The following RLF variants were observed in gnomAD, a reference collection of about 807,000 sequenced individuals.
RLF encodes the protein zinc finger protein Rlf.
A neutral mutation model predicts 162.9 loss-of-function variants in RLF; 7 were observed. The ratio of observed to expected loss-of-function variants is 0.04; its 90% CI spans 0.02 to 0.08. RLF has a LOEUF of 0.08. Ranked by LOEUF, RLF falls within the 10% of genes least tolerant of loss-of-function variation. The probability of loss-of-function intolerance (pLI) is 1.00; values close to 1 mark genes in which losing one functional copy is unlikely to be tolerated. For synonymous variants in RLF, 782 were observed against 791.5 expected (o/e 0.99, Z 0.20); for missense variants, 1,664 against 2,244.7 (o/e 0.74, Z 5.23).
intron 1 of RLF, among the ~76,000 whole-genome samples, chr1:40,177,078 C>T (rs1257755997): frequency 1.3e-5 from 2 of 151,892 alleles, no homozygotes; most frequent in African/African-American, 4.8e-5. Flanking sequence ...ACCTCCGCCT[C>T]ACAGGTTCAA....
chr1:40,211,285 A>G (rs1031827384), intron 5 of RLF, among the ~76,000 whole-genome samples: 1 of 152,210 alleles, frequency 6.6e-6, no homozygotes, highest in African/African-American at 2.4e-5. Context: ...CAAGCTGATA[A>G]TGTTTCCAAG....
At chr1:40,233,988 G>A (rs138308532) in intron 7 of RLF, among the ~76,000 whole-genome samples, 1 of 152,104 alleles carries the variant, frequency 6.6e-6, no homozygotes, top group Non-Finnish European at 1.5e-5. Context: ...TCACTCTGTT[G>A]CCCAGGCTGG....
Position 40,161,758 on chromosome 1 carries a change from C to T in RLF, c.237+122C>T. ...CGCCACCTCCGTGACTCGCCGCGCC[C>T]CCGGGCCGGGAAGGCCCAGCTCGGA... On this transcript the variant is annotated intron_variant, in intron 1 of 7. Coordinates refer to ENST00000372771, the MANE Select transcript of RLF (RefSeq NM_012421.4). The surrounding 1 kb of genome is among the most constrained non-coding windows in gnomAD (Gnocchi z 4.4). 2 of 1,389,724 alleles carry T rather than the reference C, an allele frequency of 1.4e-6. No homozygotes were observed. Among genetic ancestry groups the T allele is most frequent in the South Asian group, 1.4e-5 (1 of 73,204 alleles). 86.1% of individuals were successfully genotyped at this position (1,389,724 alleles called of 1,614,324 possible). A position where few individuals can be genotyped will look rare whatever the true frequency, so the allele number is the denominator to read the frequency against.
chr1:40,205,668 T>G (rs903751987), intron 5 of RLF, among the ~76,000 whole-genome samples: 20 of 151,938 alleles, frequency 1.3e-4, no homozygotes, highest in African/African-American at 4.8e-4. Flanking sequence ...TTTTTTTGTA[T>G]TTTTAGTAGA....
At chr1:40,234,608 C>A (rs12077436) in intron 7 of RLF, among the ~76,000 whole-genome samples, 1 of 152,206 alleles carries the variant, frequency 6.6e-6, no homozygotes, top group Non-Finnish European at 1.5e-5. Context: ...CTGTTATTAA[C>A]ATTACTGTTA....
chr1:40,227,278 C>T (rs1054980952), intron 6 of RLF, among the ~76,000 whole-genome samples: 5 of 152,168 alleles, frequency 3.3e-5, no homozygotes, highest in Admixed American at 6.5e-5. Context: ...GGGTACAGTA[C>T]ATCATCTGAA....
At chr1:40,209,427 CATAGACCCTAGT>C (rs1642839300) in intron 5 of RLF, among the ~76,000 whole-genome samples, 1 of 152,198 alleles carries the variant, frequency 6.6e-6, no homozygotes, top group Admixed American at 6.5e-5. Context: ...ACCTTACAAA[CATAGACCCTAGT>C]ATAAGAATTC....
chr1:40,169,695 CTT>C (rs202079055), intron 1 of RLF, among the ~76,000 whole-genome samples: 6,634 of 132,120 alleles, frequency 0.05, 499 homozygotes, highest in African/African-American at 0.17. Flanking sequence ...TTGGGATAAG[CTT>C]TTTTTTTTTT....
At chr1:40,165,015 G>A (rs984629525) in intron 1 of RLF, among the ~76,000 whole-genome samples, 1 of 152,318 alleles carries the variant, frequency 6.6e-6, no homozygotes, top group East Asian at 1.9e-4. Context: ...CCTTGGGCAT[G>A]TTATTTTCCT....
intron 6 of RLF, among the ~76,000 whole-genome samples, chr1:40,225,494 G>T (rs1044638795): frequency 1.3e-5 from 2 of 149,604 alleles, no homozygotes; most frequent in Non-Finnish European, 3.0e-5. Context: ...CAGGAGAATT[G>T]CTAGACCCCT....
At chr1:40,169,410 A>G (rs1432570722) in intron 1 of RLF, among the ~76,000 whole-genome samples, 1 of 151,644 alleles carries the variant, frequency 6.6e-6, no homozygotes, top group Non-Finnish European at 1.5e-5. Flanking sequence ...AGGTCAGGAG[A>G]TCGAGACCAT....
At position 40,240,728 on chromosome 1, in the gene RLF, C is replaced by A; in HGVS notation, c.*281C>A. On this transcript the variant is annotated 3_prime_UTR_variant, in exon 8 of 8. Coordinates refer to ENST00000372771, the MANE Select transcript of RLF (RefSeq NM_012421.4). ...ATACATCAAAATATACTGGGGCTTC[C>A]TTTTTCAAATTAAGTGTGCATGATT... 3.0e-6 allele frequency: 1 copy of A among 327,962 alleles called. No homozygotes were observed. The highest frequency in any genetic ancestry group is 4.7e-5 in the Admixed American group (1 of 21,476). 20.3% of individuals were successfully genotyped at this position (327,962 alleles called of 1,614,324 possible).
intron 5 of RLF, among the ~76,000 whole-genome samples, chr1:40,218,986 TA>T (rs1324843742): frequency 6.6e-6 from 1 of 150,590 alleles, no homozygotes; most frequent in Non-Finnish European, 1.5e-5. Context: ...ATTGTTTCAG[TA>T]TCTTAAGTAT....
intron 1 of RLF, among the ~76,000 whole-genome samples, chr1:40,177,293 T>C (rs1642340396): frequency 7.8e-6 from 1 of 128,144 alleles, no homozygotes; most frequent in East Asian, 2.1e-4. Flanking sequence ...TCTTTCTTTC[T>C]TTTTTTTTTT....
At chr1:40,210,747 C>A (rs1052543457) in intron 5 of RLF, among the ~76,000 whole-genome samples, 1 of 152,148 alleles carries the variant, frequency 6.6e-6, no homozygotes, top group Non-Finnish European at 1.5e-5. Context: ...ACAGAGATAC[C>A]TTCAAGAGGC....
intron 1 of RLF, among the ~76,000 whole-genome samples, chr1:40,182,986 C>G (rs1642427184): frequency 6.6e-6 from 1 of 152,164 alleles, no homozygotes; most frequent in African/African-American, 2.4e-5. Context: ...AGCTTAGTCT[C>G]TTGATGGCAA....
intron 5 of RLF, among the ~76,000 whole-genome samples, chr1:40,221,064 T>G (rs1257181358): frequency 6.6e-6 from 1 of 151,194 alleles, no homozygotes; most frequent in Non-Finnish European, 1.5e-5. Context: ...CCCAGAAGTA[T>G]GGAAACTTCA....
chr1:40,231,626 T>A lies in RLF; in HGVS notation c.1057T>A (p.Leu353Ile), dbSNP rs756366274. The A allele has an allele frequency of 8.1e-6, 13 of 1,613,860 alleles. No homozygotes were observed. In the South Asian group the frequency reaches 1.1e-4, roughly 14 times the overall value. ...FGVIAKTQQH[L>I]FCLIRVIQTE... ...TGTCATAGCTAAAACGCAGCAGCATTTATTTTGCCTCATTAGAGTTATACA... is the reference window on the plus strand; with the variant it reads ...TGTCATAGCTAAAACGCAGCAGCATATATTTTGCCTCATTAGAGTTATACA... Residue 353 changes from leucine to isoleucine, a missense_variant, in exon 7 of 8, where the codon TTA (leucine) becomes ATA (isoleucine). Coordinates refer to ENST00000372771, the MANE Select transcript of RLF (RefSeq NM_012421.4).
intron 4 of RLF, among the ~76,000 whole-genome samples, chr1:40,196,708 C>T (rs764363525): frequency 1.3e-5 from 2 of 151,380 alleles, no homozygotes; most frequent in Non-Finnish European, 2.9e-5. Context: ...ACTATGTTGC[C>T]TAGGCTGGTC....
Sources: allele counts gnomAD v4.1 joint callset (sites outside exome capture counted in the v4.1 genomes callset), GRCh38; gene constraint gnomAD v4.1.1; non-coding constraint Gnocchi (gnomAD v3.1); transcripts MANE v1.5; gene names NCBI Gene and HGNC (gene_info 2026-07-23, HGNC 2026-07-21).